Variants in RUSC2 observed in about 807,000 individuals in gnomAD.
RUSC2 encodes the protein AP-4 complex accessory subunit RUSC2.
RUSC2 carries 34 observed loss-of-function variants against 122.2 expected under a neutral mutation model. That is an observed-to-expected ratio of 0.28 (90% CI 0.21 to 0.37). RUSC2 has a LOEUF of 0.37. RUSC2 is among the 10% of genes least tolerant of loss of function. The pLI, the probability that RUSC2 is intolerant of heterozygous loss-of-function variation, is 1.00. For missense variants in RUSC2, 1,747 were observed against 1,952.4 expected (o/e 0.89, Z 1.98); for synonymous variants, 784 against 790.0 (o/e 0.99, Z 0.13).
At position 35,558,601 on chromosome 9, in the gene RUSC2, A is replaced by C; in HGVS notation, c.3341+34A>C. On this transcript the variant is annotated intron_variant, in intron 8 of 11. Transcript: ENST00000361226. The surrounding 1 kb of genome is among the most constrained non-coding windows in gnomAD (Gnocchi z 4.3). ...ACAGAGCAGCAAGATCCCCTAAACAACTTGCCCTGCCCCCCACCCCCGGGC... is the reference window on the plus strand; with the variant it reads ...ACAGAGCAGCAAGATCCCCTAAACACCTTGCCCTGCCCCCCACCCCCGGGC... 7 of 1,523,394 alleles carry C rather than the reference A, an allele frequency of 4.6e-6. No homozygotes were observed. The highest frequency in any genetic ancestry group is 6.4e-6 in the Non-Finnish European group (7 of 1,097,966). 94.4% of individuals were successfully genotyped at this position (1,523,394 alleles called of 1,614,324 possible).
Position 35,561,356 on chromosome 9 carries a change from C to G in RUSC2, c.4525C>G (p.Pro1509Ala). The change falls in exon 12 of 12, where the codon CCA (proline) becomes GCA (alanine). Residue 1509 changes from proline (P) to alanine (A), a missense_variant. Physicochemically the swap from Pro to Ala is conservative, Grantham distance 27. Transcript: ENST00000361226. ...CGTGACATTGACCCCAACTCCAAGT[C>G]CAACCCCTGGAAGCAGCCAAAACTG... ...AYVTLTPTPSPTPGSSQN is the reference protein window; with the variant it reads ...AYVTLTPTPSATPGSSQN 4.3e-6 allele frequency: 7 copies of G among 1,613,480 alleles called. No individual in the cohort carries two copies. Among genetic ancestry groups the G allele is most frequent in the Non-Finnish European group, 5.9e-6 (7 of 1,179,660 alleles).
chr9:35,515,943 G>C (rs1821092277), intron 1 of RUSC2, among the ~76,000 whole-genome samples: 1 of 134,242 alleles, frequency 7.4e-6, no homozygotes. Flanking sequence ...AGGTTGTAGT[G>C]AGCCGAGATT....
At chr9:35,553,426 CT>C (rs1048611246) in intron 2 of RUSC2, among the ~76,000 whole-genome samples, 1 of 152,178 alleles carries the variant, frequency 6.6e-6, no homozygotes, top group Non-Finnish European at 1.5e-5. Flanking sequence ...AAAATCCCCA[CT>C]TTTCTGGAGC....
chr9:35,492,854 G>A (rs987916271), intron 1 of RUSC2, among the ~76,000 whole-genome samples: 2 of 152,022 alleles, frequency 1.3e-5, no homozygotes, highest in African/African-American at 4.8e-5. Flanking sequence ...CTCCGCCCCA[G>A]GCAACCACCA....
At chr9:35,525,691 C>T (rs927862009) in intron 1 of RUSC2, among the ~76,000 whole-genome samples, 2 of 152,206 alleles carry the variant, frequency 1.3e-5, no homozygotes, top group Admixed American at 6.5e-5. Context: ...CGCAGCTACT[C>T]GGGAGGTTGA....
Position 35,558,618 on chromosome 9 carries a change from C to T in RUSC2, c.3341+51C>T. On this transcript the variant is annotated intron_variant, in intron 8 of 11. Transcript: ENST00000361226. This position sits in a 1 kb window ranked among gnomAD's most constrained non-coding sequence, Gnocchi z 4.3. ...CCTAAACAACTTGCCCTGCCCCCCA[C>T]CCCCGGGCTCTGCCTGCACCAAGGA... 6.9e-7 allele frequency: 1 copy of T among 1,439,274 alleles called. No individual in the cohort carries two copies. Among genetic ancestry groups the T allele is most frequent in the Admixed American group, 1.7e-5 (1 of 59,776 alleles). 89.2% of individuals were successfully genotyped at this position (1,439,274 alleles called of 1,614,324 possible). A position where few individuals can be genotyped will look rare whatever the true frequency, so the allele number is the denominator to read the frequency against.
Position 35,547,966 on chromosome 9 carries a change from C to T in RUSC2, c.1445C>T (p.Thr482Met), listed in dbSNP as rs777574098. Residue 482 changes from threonine (T) to methionine (M), a missense_variant, in exon 2 of 12, where the codon ACG (threonine) becomes ATG (methionine). Coordinates refer to ENST00000361226, the MANE Select transcript of RUSC2 (RefSeq NM_014806.5). The surrounding 1 kb of genome is among the most constrained non-coding windows in gnomAD (Gnocchi z 4.6). ...GPTVLEGQVY[T>M]NTSPPNLSTG... ...ACTGTGCTTGAGGGACAAGTATACACGAATACTTCACCCCCCAACCTCAGC... is the reference window on the plus strand; with the variant it reads ...ACTGTGCTTGAGGGACAAGTATACATGAATACTTCACCCCCCAACCTCAGC... 113 of 1,614,098 alleles carry T rather than the reference C, an allele frequency of 7.0e-5. No individual in the cohort carries two copies. Among genetic ancestry groups the T allele is most frequent in the South Asian group, 9.9e-5 (9 of 91,088 alleles).
rs751739488 is a variant in RUSC2, at chr9:35,547,626, C to T, written c.1105C>T (p.His369Tyr). 6 of 1,614,238 alleles carry T rather than the reference C, an allele frequency of 3.7e-6. No homozygotes were observed. Among genetic ancestry groups the T allele is most frequent in the South Asian group, 2.2e-5 (2 of 91,086 alleles). ...TGCCAACTGCAACTCCTACCGCCCA[C>T]ACTGTGAGCCGTGCCCAGCAGTGGC... ...LDANCNSYRPHCEPCPAVADL... is the reference protein window; with the variant it reads ...LDANCNSYRPYCEPCPAVADL... The change falls in exon 2 of 12, where the codon CAC (histidine) becomes TAC (tyrosine). Residue 369 changes from histidine (H) to tyrosine (Y), a missense_variant. His to Tyr is a moderately conservative substitution (Grantham distance 83, BLOSUM62 2). Coordinates refer to ENST00000361226, the MANE Select transcript of RUSC2 (RefSeq NM_014806.5). This position sits in a 1 kb window ranked among gnomAD's most constrained non-coding sequence, Gnocchi z 4.6.
intron 1 of RUSC2, among the ~76,000 whole-genome samples, chr9:35,513,293 A>C (rs1821043528): frequency 6.6e-6 from 1 of 152,112 alleles, no homozygotes; most frequent in Non-Finnish European, 1.5e-5. Flanking sequence ...TCCAGGCTGG[A>C]GTACAATGGT....
chr9:35,556,502 A>G, intron 5 of RUSC2, 54 bp downstream of exon 5: 1 of 1,586,900 alleles, frequency 6.3e-7, no homozygotes, highest in Non-Finnish European at 8.6e-7. Flanking sequence ...ACCTCCTCAC[A>G]CTTGCCCTAC....
In RUSC2 at chr9:35,555,839, A is replaced by G; in HGVS notation, c.2657-113A>G. ...TGCATCCCTCCCTCAGCATCTGTAG[A>G]TAATATCCACAGATAATCTAGTGTT... On this transcript the variant is annotated intron_variant, in intron 3 of 11. Transcript: ENST00000361226. The surrounding 1 kb of genome is among the most constrained non-coding windows in gnomAD (Gnocchi z 4.6). 1 of 1,474,238 alleles carries G rather than the reference A, an allele frequency of 6.8e-7. No individual in the cohort carries two copies. The highest frequency in any genetic ancestry group is 2.3e-5 in the East Asian group (1 of 43,844). The allele number at this position is 1,474,238 out of a possible 1,614,324, so 91.3% of individuals were successfully genotyped here.
chr9:35,547,186 G>A lies in RUSC2; in HGVS notation c.665G>A (p.Gly222Asp). 1 of 1,614,166 alleles carries A rather than the reference G, an allele frequency of 6.2e-7. No individual in the cohort carries two copies. The highest frequency in any genetic ancestry group is 8.5e-7 in the Non-Finnish European group (1 of 1,180,044). Residue 222 changes from glycine to aspartate, a missense_variant, in exon 2 of 12, where the codon GGC becomes GAC. Gly to Asp is a moderately conservative substitution (Grantham distance 94, BLOSUM62 -1). Transcript: ENST00000361226. The surrounding 1 kb of genome is among the most constrained non-coding windows in gnomAD (Gnocchi z 4.6). ...GGGGGTGGAGCCAGCGATACCTCTG[G>A]CTTTTCCTTTGACCAGGAATGGAAG... The part of the protein sequence containing the change: ...GSGGGASDTS[G>D]FSFDQEWKLS...
At chr9:35,520,084 A>C (rs1043814861) in intron 1 of RUSC2, among the ~76,000 whole-genome samples, 2 of 152,228 alleles carry the variant, frequency 1.3e-5, no homozygotes, top group African/African-American at 4.8e-5. Flanking sequence ...TTAGTCTTAC[A>C]ACTAAAGCAA....
At chr9:35,500,772 T>TTTTATA (rs914891219) in intron 1 of RUSC2, among the ~76,000 whole-genome samples, 2 of 152,230 alleles carry the variant, frequency 1.3e-5, no homozygotes, top group Non-Finnish European at 2.9e-5. Context: ...CTCTCTTTAG[T>TTTTATA]TTTATATTTA....
At chr9:35,533,258 A>AG (rs1554725735) in intron 1 of RUSC2, among the ~76,000 whole-genome samples, 27 of 150,776 alleles carry the variant, frequency 1.8e-4, no homozygotes, top group Non-Finnish European at 2.5e-4. Flanking sequence ...AAAAAAAAAA[A>AG]AAGAAGAATT....
At position 35,547,683 on chromosome 9, in the gene RUSC2, C is replaced by T. The variant is rs891776488; in HGVS notation, c.1162C>T (p.Arg388Cys). ...DLTACFQSQA[R>C]LVVATQNYYK... ...CACAGCCTGCTTCCAAAGCCAGGCCCGTCTTGTTGTGGCCACACAAAATTA... is the reference window on the plus strand; with the variant it reads ...CACAGCCTGCTTCCAAAGCCAGGCCTGTCTTGTTGTGGCCACACAAAATTA... The change falls in exon 2 of 12, where the codon CGT becomes TGT. Residue 388 changes from arginine to cysteine, a missense_variant. Physicochemically the swap from Arg to Cys is radical, Grantham distance 180. Coordinates refer to ENST00000361226, the MANE Select transcript of RUSC2 (RefSeq NM_014806.5). This position sits in a 1 kb window ranked among gnomAD's most constrained non-coding sequence, Gnocchi z 4.6. The T allele has an allele frequency of 8.1e-6, 13 of 1,614,180 alleles. No homozygotes were observed. The highest frequency in any genetic ancestry group is 1.3e-5 in the African/African-American group (1 of 75,044).
chr9:35,523,895 GAT>G (rs1821270459), intron 1 of RUSC2, among the ~76,000 whole-genome samples: 1 of 151,970 alleles, frequency 6.6e-6, no homozygotes, highest in Admixed American at 6.6e-5. Context: ...ATCAGTAATG[GAT>G]TATGACCCAC....
In RUSC2 at chr9:35,555,548, A is replaced by G. The variant is rs200089438; in HGVS notation, c.2503A>G (p.Lys835Glu). 4.5e-5 allele frequency: 72 copies of G among 1,613,980 alleles called. No homozygotes were observed. Among genetic ancestry groups the G allele is most frequent in the Non-Finnish European group, 5.7e-5 (67 of 1,180,018 alleles). The change falls in exon 3 of 12, where the codon AAG becomes GAG. Residue 835 changes from lysine (K) to glutamate (E), a missense_variant. Coordinates refer to ENST00000361226, the MANE Select transcript of RUSC2 (RefSeq NM_014806.5). The surrounding 1 kb of genome is among the most constrained non-coding windows in gnomAD (Gnocchi z 4.6). ...VRPATSQQPQ[K>E]EDQKILTLTE... ...GCCTGCCACCTCCCAGCAGCCGCAG[A>G]AGGAGGATCAGAAGATACTGACCTT...
intron 1 of RUSC2, among the ~76,000 whole-genome samples, chr9:35,510,560 A>G (rs1820994354): frequency 6.6e-6 from 1 of 152,220 alleles, no homozygotes; most frequent in African/African-American, 2.4e-5. Context: ...TGGGTGAACT[A>G]TAAACTCCAT....
Sources: allele counts gnomAD v4.1 joint callset (sites outside exome capture counted in the v4.1 genomes callset), GRCh38; gene constraint gnomAD v4.1.1; non-coding constraint Gnocchi (gnomAD v3.1); transcripts MANE v1.5; gene names NCBI Gene and HGNC (gene_info 2026-07-23, HGNC 2026-07-21).